The following INTS9 variants were observed in gnomAD, a reference collection of about 807,000 sequenced individuals.
INTS9 encodes integrator complex subunit 9.
In INTS9, 55 loss-of-function variants were observed where a neutral mutation model predicts 79.7. The observed-to-expected ratio is 0.69, with a 90% CI of 0.56 to 0.86. The LOEUF is 0.86. Among genes scored for constraint, INTS9 ranks in the 40% least tolerant of loss-of-function variants. The pLI is 0.00. For missense variants in INTS9, 721 were observed against 831.5 expected (o/e 0.87, Z 1.64); for synonymous variants, 319 against 325.2 (o/e 0.98, Z 0.20).
intron 12 of INTS9, chr8:28,780,492 A>G: frequency 1.0e-6 from 1 of 985,420 alleles, no homozygotes; most frequent in Non-Finnish European, 1.2e-6. Flanking sequence ...ACCTCTGTAA[A>G]CAATTCCTAA....
At chr8:28,871,831 C>G (rs565781976) in intron 1 of INTS9, among the ~76,000 whole-genome samples, 8 of 152,184 alleles carry the variant, frequency 5.3e-5, no homozygotes, top group African/African-American at 1.9e-4. Flanking sequence ...AAAAGATTAT[C>G]TGGGAAAATA....
At chr8:28,800,103 C>T (rs546102541) in intron 8 of INTS9, among the ~76,000 whole-genome samples, 71 of 152,332 alleles carry the variant, frequency 4.7e-4, no homozygotes, top group African/African-American at 1.7e-3. Context: ...TTGTCTGTGT[C>T]CCCCACAGGA....
chr8:28,828,052 T>C (rs542591127), intron 6 of INTS9, among the ~76,000 whole-genome samples: 4 of 152,322 alleles, frequency 2.6e-5, no homozygotes, highest in African/African-American at 9.6e-5. Flanking sequence ...CAGCTGTGAT[T>C]ACTCCGTCAA....
In INTS9 at chr8:28,875,584, A is replaced by AC. The variant is rs563627100; in HGVS notation, c.9+14289_9+14290insG. Among the ~76,000 whole-genome samples the AC allele has an allele frequency of 6.6e-5, 10 of 152,146 alleles. No homozygotes were observed. The East Asian group carries it at 1.5e-3, about 23-fold the overall frequency. On this transcript the variant is annotated intron_variant, in intron 1 of 16. Coordinates refer to ENST00000521022, the MANE Select transcript of INTS9 (RefSeq NM_018250.4). ...TGTGCCATCGTGGTTTGCTGCAAAAAATCAACCCATCACCTAGGTATTAAG... is the reference window on the plus strand; with the variant it reads ...TGTGCCATCGTGGTTTGCTGCAAAAACATCAACCCATCACCTAGGTATTAAG...
chr8:28,882,213 G>C (rs1324705392), intron 1 of INTS9, among the ~76,000 whole-genome samples: 1 of 137,752 alleles, frequency 7.3e-6, no homozygotes, highest in Non-Finnish European at 1.6e-5. Context: ...AATGGATTAA[G>C]GGCGGTGCAA....
intron 1 of INTS9, among the ~76,000 whole-genome samples, chr8:28,860,954 C>T (rs1376994036): frequency 6.6e-6 from 1 of 152,198 alleles, no homozygotes; most frequent in Non-Finnish European, 1.5e-5. Flanking sequence ...GTTACAGGAA[C>T]TGATAATTTT....
chr8:28,819,156 G>T (rs555216709), intron 6 of INTS9, among the ~76,000 whole-genome samples: 248 of 152,232 alleles, frequency 1.6e-3, no homozygotes, highest in Admixed American at 3.6e-3. Context: ...ATTTCCTTCA[G>T]TTCTGCTCTG....
At chr8:28,863,247 G>A (rs956959834) in intron 1 of INTS9, among the ~76,000 whole-genome samples, 8 of 152,068 alleles carry the variant, frequency 5.3e-5, no homozygotes, top group African/African-American at 1.9e-4. Flanking sequence ...CCACTAGTAA[G>A]TACAGAATAA....
In INTS9 at chr8:28,889,922, T is replaced by G; in HGVS notation, c.-40A>C. ...GGTTCAATAGCAGTCACTGAACTCC[T>G]CAAACCCAGGAAGCGTCTTCCGGTG... On this transcript the variant is annotated 5_prime_UTR_variant, in exon 1 of 17. Transcript: ENST00000521022. The G allele has an allele frequency of 6.3e-7, 1 of 1,586,768 alleles. No individual in the cohort carries two copies. The highest frequency in any genetic ancestry group is 1.1e-5 in the South Asian group (1 of 89,980).
At chr8:28,881,135 GC>G (rs547501405) in intron 1 of INTS9, among the ~76,000 whole-genome samples, 2,856 of 147,436 alleles carry the variant, frequency 0.019, 63 homozygotes, top group African/African-American at 0.069. Flanking sequence ...GGGGGGGTCA[GC>G]CCCCCGCCCG....
At chr8:28,882,519 C>T (rs1299019906) in intron 1 of INTS9, among the ~76,000 whole-genome samples, 2 of 91,580 alleles carry the variant, frequency 2.2e-5, no homozygotes, top group Non-Finnish European at 4.5e-5. Flanking sequence ...TATATGCAAG[C>T]GATATTAACA....
chr8:28,811,562 C>T (rs1286781230), intron 8 of INTS9, among the ~76,000 whole-genome samples: 1 of 152,096 alleles, frequency 6.6e-6, no homozygotes, highest in African/African-American at 2.4e-5. Context: ...GCTGGGACCA[C>T]AGCGTGTGCC....
intron 12 of INTS9, among the ~76,000 whole-genome samples, chr8:28,779,931 T>A (rs1220230869): frequency 6.6e-6 from 1 of 152,066 alleles, no homozygotes; most frequent in East Asian, 1.9e-4. Context: ...CCGGGTTCTG[T>A]GCCTGGTGCC....
At chr8:28,777,614 C>G (rs1029815293) in intron 13 of INTS9, among the ~76,000 whole-genome samples, 3 of 151,316 alleles carry the variant, frequency 2.0e-5, no homozygotes, top group Non-Finnish European at 1.5e-5. Context: ...CCTTCCACAT[C>G]TGATTTCTTT....
intron 6 of INTS9, among the ~76,000 whole-genome samples, chr8:28,828,308 G>A (rs1806269408): frequency 6.6e-6 from 1 of 152,208 alleles, no homozygotes; most frequent in Non-Finnish European, 1.5e-5. Flanking sequence ...AAATTAGGCT[G>A]CAGAAGACAG....
rs575054044 is a variant in INTS9, at chr8:28,823,375, C to T, written c.489-9763G>A. Among the ~76,000 whole-genome samples the T allele has an allele frequency of 1.8e-4, 28 of 151,864 alleles. No homozygotes were observed. The South Asian group carries it at 3.5e-3, about 19-fold the overall frequency. The stretch of plus-strand genomic sequence containing the variant: ...GAATGGAGTTCGAGAAAAACCTGTA[C>T]CAGCAAACCTTGTTAAACCCTGATC... On this transcript the variant is annotated intron_variant, in intron 6 of 16. Coordinates refer to ENST00000521022, the MANE Select transcript of INTS9 (RefSeq NM_018250.4).
intron 6 of INTS9, among the ~76,000 whole-genome samples, chr8:28,833,660 AC>A (rs778886462): frequency 2.0e-5 from 3 of 151,152 alleles, no homozygotes; most frequent in Non-Finnish European, 4.4e-5. Context: ...CAAAAAAAAA[AC>A]AAAAGAAAAA....
chr8:28,784,207 A>G (rs543408834), intron 11 of INTS9, among the ~76,000 whole-genome samples: 34 of 152,318 alleles, frequency 2.2e-4, no homozygotes, highest in African/African-American at 7.0e-4. Flanking sequence ...TCATGGTACG[A>G]CCACAGTCTA....
rs765597581 is a variant in INTS9, at chr8:28,850,195, T to C, written c.198+18A>G. ...CACTGGCTGTAGATAGGCTTTAGTTTGTAGTCTTAGATATTACCTTGTCCA... is the reference window on the plus strand; with the variant it reads ...CACTGGCTGTAGATAGGCTTTAGTTCGTAGTCTTAGATATTACCTTGTCCA... On this transcript the variant is annotated intron_variant, in intron 3 of 16. Coordinates refer to ENST00000521022, the MANE Select transcript of INTS9 (RefSeq NM_018250.4). 6.2e-7 allele frequency: 1 copy of C among 1,606,102 alleles called. No homozygotes were observed. The highest frequency in any genetic ancestry group is 8.5e-7 in the Non-Finnish European group (1 of 1,173,008).
Sources: allele counts gnomAD v4.1 joint callset (sites outside exome capture counted in the v4.1 genomes callset), GRCh38; gene constraint gnomAD v4.1.1; transcripts MANE v1.5; gene names NCBI Gene and HGNC (gene_info 2026-07-23, HGNC 2026-07-21).